The following GSG1 variants were observed in gnomAD, a reference collection of about 807,000 sequenced individuals.
GSG1 encodes germ cell associated 1.
In GSG1, 28 loss-of-function variants were observed where a neutral mutation model predicts 30.8. The ratio of observed to expected loss-of-function variants is 0.91; its 90% CI spans 0.67 to 1.25. The LOEUF is 1.25. Ranked by LOEUF, GSG1 falls within the 50% of genes most tolerant of loss-of-function variation. The pLI, the probability that GSG1 is intolerant of heterozygous loss-of-function variation, is 0.00. For synonymous variants in GSG1, 162 were observed against 178.0 expected (o/e 0.91, Z 0.71); for missense variants, 435 against 444.7 (o/e 0.98, Z 0.20).
intron 1 of GSG1, among the ~76,000 whole-genome samples, chr12:13,102,329 A>G (rs986509880): frequency 3.3e-5 from 5 of 152,232 alleles, no homozygotes; most frequent in African/African-American, 1.2e-4. Context: ...GAGGCAATGG[A>G]TTAAGTGTAC....
chr12:13,099,452 A>G (rs977570559), intron 1 of GSG1, among the ~76,000 whole-genome samples: 7 of 152,208 alleles, frequency 4.6e-5, no homozygotes, highest in African/African-American at 7.2e-5. Context: ...GCACTTCACC[A>G]TTTATGACAC....
chr12:13,090,718 T>C lies in GSG1; in HGVS notation c.149A>G (p.Tyr50Cys). ...SFSTTSLLSN[Y>C]WFVGTQKVPK... is the part of the protein sequence containing the mutation. ...CACCTTCTGTGTGCCCACAAACCAG[T>C]AGTTGCTGAGCAGGGATGTTGTGGA... The change falls in exon 2 of 7, where the codon TAC becomes TGC. Residue 50 changes from tyrosine (Y) to cysteine (C), a missense_variant. By Grantham distance (194) the Tyr-to-Cys change is radical (BLOSUM62 -2). Coordinates refer to ENST00000651961, the MANE Select transcript of GSG1 (RefSeq NM_001080555.4). 1.2e-6 allele frequency: 2 copies of C among 1,614,182 alleles called. No homozygotes were observed. The highest frequency in any genetic ancestry group is 1.7e-6 in the Non-Finnish European group (2 of 1,180,030).
At position 13,093,918 on chromosome 12, in the gene GSG1, G is replaced by A. The variant is rs1283262930; in HGVS notation, c.49-3100C>T. Among the ~76,000 whole-genome samples, 1 of 152,192 alleles carries A rather than the reference G, an allele frequency of 6.6e-6. No individual in the cohort carries two copies. Among genetic ancestry groups the A allele is most frequent in the Non-Finnish European group, 1.5e-5 (1 of 68,036 alleles). On this transcript the variant is annotated intron_variant, in intron 1 of 6. Transcript: ENST00000651961. This position sits in a 1 kb window ranked among gnomAD's most constrained non-coding sequence, Gnocchi z 4.6. ...TGGTGGCTTGGAGCCAGATTTAATT[G>A]GACTTAGAGAAGTAATTTGGCAAGT... is the stretch of plus-strand genomic sequence containing the variant.
rs369932802 is a variant in GSG1, at chr12:13,088,078, A to G, written c.482-19T>C. On this transcript the variant is annotated intron_variant, in intron 4 of 6. Transcript: ENST00000651961. The stretch of plus-strand genomic sequence containing the variant: ...AGGATTTCTGCCAGAAACCAGAGGA[A>G]GAGGGAGCGCTCACCCTGACAGTTA... 121 of 1,613,884 alleles carry G rather than the reference A, an allele frequency of 7.5e-5. No individual in the cohort carries two copies. The highest frequency in any genetic ancestry group is 9.2e-5 in the Non-Finnish European group (108 of 1,179,890).
chr12:13,102,930 C>A (rs369331941), intron 1 of GSG1, among the ~76,000 whole-genome samples: 1 of 152,250 alleles, frequency 6.6e-6, no homozygotes, highest in African/African-American at 2.4e-5. Context: ...TTCTCTGAGA[C>A]GAGAAAGAGC....
At chr12:13,098,077 C>G (rs1256874921) in intron 1 of GSG1, among the ~76,000 whole-genome samples, 1 of 152,024 alleles carries the variant, frequency 6.6e-6, no homozygotes, top group African/African-American at 2.4e-5. Flanking sequence ...CCCAAACAAC[C>G]CTTTATTTGT....
chr12:13,085,208 G>A lies in GSG1; in HGVS notation c.782C>T (p.Ser261Leu), dbSNP rs772239685. Residue 261 changes from serine to leucine, a missense_variant, in exon 7 of 7, where the codon TCG (serine) becomes TTG (leucine). Coordinates refer to ENST00000651961, the MANE Select transcript of GSG1 (RefSeq NM_001080555.4). The part of the protein sequence containing the change: ...AWLSFTCCMA[S>L]AVTTFNTYTR... Reference sequence around the variant, plus strand: ...GTACGTGTTGAAGGTGGTGACAGCCGACGCCATGCAGCAGGTGAAGGAGAG... The same window carrying A: ...GTACGTGTTGAAGGTGGTGACAGCCAACGCCATGCAGCAGGTGAAGGAGAG... 2.5e-5 allele frequency: 40 copies of A among 1,610,814 alleles called. No individual in the cohort carries two copies. The highest frequency in any genetic ancestry group is 1.8e-5 in the Non-Finnish European group (21 of 1,177,716).
intron 1 of GSG1, among the ~76,000 whole-genome samples, chr12:13,091,727 A>G (rs1211824513): frequency 6.6e-6 from 1 of 152,182 alleles, no homozygotes; most frequent in East Asian, 1.9e-4. Flanking sequence ...ACAATAGATC[A>G]TGGCCTTGAT....
At chr12:13,088,648 G>A in intron 4 of GSG1, 1 of 1,223,978 alleles carries the variant, frequency 8.2e-7, no homozygotes. Context: ...TTGGGGCTCA[G>A]AAGAGAAAAG....
chr12:13,090,064 A>G (rs899992037), intron 2 of GSG1, among the ~76,000 whole-genome samples: 2 of 152,206 alleles, frequency 1.3e-5, no homozygotes, highest in Non-Finnish European at 2.9e-5. Context: ...GAAAAAAGAA[A>G]TGAAGTTACT....
rs537667984 is a variant in GSG1 at position 13,093,115 on chromosome 12, C to A, written c.49-2297G>T. On this transcript the variant is annotated intron_variant, in intron 1 of 6. Coordinates refer to ENST00000651961, the MANE Select transcript of GSG1 (RefSeq NM_001080555.4). The surrounding 1 kb of genome is among the most constrained non-coding windows in gnomAD (Gnocchi z 4.6). Reference sequence around the variant, plus strand: ...CCTGGCCGGTTATATAAGCTTTTAACTTTATGTAAAATAACATTAATACAT... The same window carrying A: ...CCTGGCCGGTTATATAAGCTTTTAAATTTATGTAAAATAACATTAATACAT... 1.7e-4 allele frequency among the ~76,000 whole-genome samples: 25 copies of A among 151,352 alleles called. No homozygotes were observed. Among genetic ancestry groups the A allele is most frequent in the Non-Finnish European group, 2.8e-4 (19 of 67,824 alleles).
chr12:13,101,174 C>CGCGGG lies in GSG1; in HGVS notation c.48+2286_48+2290dup, dbSNP rs1309811811. On this transcript the variant is annotated intron_variant, in intron 1 of 6. Transcript: ENST00000651961. The surrounding 1 kb of genome is among the most constrained non-coding windows in gnomAD (Gnocchi z 5.8). The stretch of plus-strand genomic sequence containing the variant: ...GCTGGGGCCGGGGGCGCTTGGGGAC[C>CGCGGG]GCGGGGCGGGGCGGGGGCGTAACGG... Among the ~76,000 whole-genome samples, 3 of 148,442 alleles carry CGCGGG rather than the reference C, an allele frequency of 2.0e-5. No homozygotes were observed. Among genetic ancestry groups the CGCGGG allele is most frequent in the Non-Finnish European group, 4.5e-5 (3 of 67,140 alleles).
At position 13,085,233 on chromosome 12, in the gene GSG1, G is replaced by T. The variant is rs1865408659; in HGVS notation, c.757C>A (p.Leu253Ile). ...NYGWAFYMAW[L>I]SFTCCMASAV... Reference sequence around the variant, plus strand: ...GACGCCATGCAGCAGGTGAAGGAGAGCCAGGCCATGCTAGGGACAAATGCA... The same window carrying T: ...GACGCCATGCAGCAGGTGAAGGAGATCCAGGCCATGCTAGGGACAAATGCA... Residue 253 changes from leucine (L) to isoleucine (I), a missense_variant, in exon 7 of 7, where the codon CTC (leucine) becomes ATC (isoleucine). By Grantham distance (5) the Leu-to-Ile change is conservative. Transcript: ENST00000651961. 1 of 1,601,982 alleles carries T rather than the reference G, an allele frequency of 6.2e-7. No individual in the cohort carries two copies. Among genetic ancestry groups the T allele is most frequent in the South Asian group, 1.1e-5 (1 of 89,588 alleles).
chr12:13,096,159 A>G (rs1866642168), intron 1 of GSG1, among the ~76,000 whole-genome samples: 1 of 152,136 alleles, frequency 6.6e-6, no homozygotes. Flanking sequence ...GGTGGTCTCC[A>G]CCTTCCAGTT....
chr12:13,088,866 CTT>C lies in GSG1; in HGVS notation c.475_476del (p.Lys159GlufsTer122). On this transcript the variant is annotated frameshift_variant, in exon 4 of 7. Transcript: ENST00000651961. LOFTEE classifies it high-confidence loss of function. ...ATTCCAGTAGTCCTTTCTCACCTCTCTTGGCTGGTGGTGTAAGTTCAATGAAA... is the reference window on the plus strand; with the variant it reads ...ATTCCAGTAGTCCTTTCTCACCTCTCGGCTGGTGGTGTAAGTTCAATGAAA... The part of the protein sequence containing the change: ...RSFIELTPPA[K>X]REILWLSLGT... 6.2e-7 allele frequency: 1 copy of C among 1,614,198 alleles called. No homozygotes were observed. The highest frequency in any genetic ancestry group is 8.5e-7 in the Non-Finnish European group (1 of 1,180,040).
At chr12:13,099,743 T>TTTTTTTG (rs1478389789) in intron 1 of GSG1, among the ~76,000 whole-genome samples, 2 of 119,168 alleles carry the variant, frequency 1.7e-5, no homozygotes, top group African/African-American at 7.9e-5. Flanking sequence ...ATCCGGTGTT[T>TTTTTTTG]TTTTTTGTTT....
rs141509089 is a variant in GSG1 at position 13,087,228 on chromosome 12, G to C, written c.670C>G (p.Gln224Glu). Residue 224 changes from glutamine to glutamate, a missense_variant, in exon 6 of 7, where the codon CAA becomes GAA. Physicochemically the swap from Gln to Glu is conservative, Grantham distance 29. Coordinates refer to ENST00000651961, the MANE Select transcript of GSG1 (RefSeq NM_001080555.4). ...LGMVAHMMYS[Q>E]VFQATVNLGP... ...AAGTTGACAGTCGCTTGGAAGACTTGTGAATACATCATGTGGGCCACCATC... is the reference window on the plus strand; with the variant it reads ...AAGTTGACAGTCGCTTGGAAGACTTCTGAATACATCATGTGGGCCACCATC... The C allele has an allele frequency of 1.9e-6, 3 of 1,614,040 alleles. No homozygotes were observed.
rs575659123 is a variant in GSG1 at position 13,096,816 on chromosome 12, G to A, written c.49-5998C>T. Among the ~76,000 whole-genome samples the A allele has an allele frequency of 4.6e-5, 7 of 152,270 alleles. No homozygotes were observed. The South Asian group carries it at 6.2e-4, about 14-fold the overall frequency. On this transcript the variant is annotated intron_variant, in intron 1 of 6. Transcript: ENST00000651961. ...CAAAATTGTACAAATAGCTGGGCGC[G>A]ATGGTTCATGCCTGCAATCCCAGCA...
At position 13,085,008 on chromosome 12, in the gene GSG1, C is replaced by T. The variant is rs1468159756; in HGVS notation, c.982G>A (p.Glu328Lys). Residue 328 changes from glutamate to lysine, a missense_variant, in exon 7 of 7, where the codon GAG (glutamate) becomes AAG (lysine). Transcript: ENST00000651961. ...YHNQPIHSVS[E>K]GVDFYSELRN... ...AGCTCGGAGTAGAAGTCGACTCCCT[C>T]AGAGACAGAGTGGATGGGCTGATTA... 2 of 1,560,370 alleles carry T rather than the reference C, an allele frequency of 1.3e-6. No individual in the cohort carries two copies. The highest frequency in any genetic ancestry group is 2.3e-5 in the South Asian group (2 of 85,110).
Sources: allele counts gnomAD v4.1 joint callset (sites outside exome capture counted in the v4.1 genomes callset), GRCh38; gene constraint gnomAD v4.1.1; non-coding constraint Gnocchi (gnomAD v3.1); transcripts MANE v1.5; gene names NCBI Gene and HGNC (gene_info 2026-07-23, HGNC 2026-07-21).